The following IL19 variants were observed in gnomAD, a reference collection of about 807,000 sequenced individuals.
The protein encoded by IL19 is interleukin 19, also known as interleukin-19.
IL19 carries 15 observed loss-of-function variants against 19.5 expected under a neutral mutation model. That is an observed-to-expected ratio of 0.77 (90% CI 0.52 to 1.19). IL19 has a LOEUF of 1.19. IL19 is among the 50% of genes most tolerant of loss of function. The probability of loss-of-function intolerance (pLI) is 0.00; values close to 1 mark genes in which losing one functional copy is unlikely to be tolerated. For synonymous variants in IL19, 78 were observed against 78.3 expected (o/e 1.00, Z 0.02); for missense variants, 199 against 213.1 (o/e 0.93, Z 0.41).
chr1:206,793,372 A>G (rs1378003060), intron 1 of IL19, among the ~76,000 whole-genome samples: 1 of 152,246 alleles, frequency 6.6e-6, no homozygotes, highest in Non-Finnish European at 1.5e-5. Flanking sequence ...ATCAGGGGTC[A>G]TGTAGCAAGA....
At chr1:206,840,378 T>C in intron 5 of IL19, 1 of 360,784 alleles carries the variant, frequency 2.8e-6, no homozygotes, top group Non-Finnish European at 5.4e-6. Flanking sequence ...TGGTATGGCC[T>C]ATCCCTAAAG....
chr1:206,779,333 T>G (rs1675077360), intron 1 of IL19, among the ~76,000 whole-genome samples: 1 of 152,166 alleles, frequency 6.6e-6, no homozygotes, highest in Admixed American at 6.5e-5. Flanking sequence ...ACCACCTGCT[T>G]CTTTGTTTGA....
intron 2 of IL19, among the ~76,000 whole-genome samples, chr1:206,828,414 T>G (rs888938865): frequency 4.6e-5 from 7 of 152,204 alleles, no homozygotes; most frequent in African/African-American, 1.4e-4. Context: ...TCCTCCTGCT[T>G]TCTGGGCATG....
chr1:206,777,148 G>T (rs1223373527), intron 1 of IL19, among the ~76,000 whole-genome samples: 3 of 148,496 alleles, frequency 2.0e-5, no homozygotes, highest in African/African-American at 7.4e-5. Context: ...GGAGAATGGC[G>T]TGAACCTGGG....
At chr1:206,837,428 C>T (rs907333960) in intron 4 of IL19, among the ~76,000 whole-genome samples, 2 of 152,028 alleles carry the variant, frequency 1.3e-5, no homozygotes, top group African/African-American at 4.8e-5. Flanking sequence ...CAGTGAAGGT[C>T]GGACATAGAG....
At chr1:206,839,457 G>A (rs1272955321) in intron 4 of IL19, among the ~76,000 whole-genome samples, 1 of 152,204 alleles carries the variant, frequency 6.6e-6, no homozygotes, top group Non-Finnish European at 1.5e-5. Context: ...CCCCTGTAGT[G>A]TAGGGAAGTT....
Position 206,841,023 on chromosome 1 carries a change from A to T in IL19, c.383A>T (p.His128Leu). The change falls in exon 6 of 7, where the codon CAC becomes CTC. Residue 128 changes from histidine to leucine, a missense_variant. By Grantham distance (99) the His-to-Leu change is moderately conservative. Transcript: ENST00000659997. Reference protein sequence around the residue: ...LRQCQEQRQCHCRQEATNATR... With the variant: ...LRQCQEQRQCLCRQEATNATR... ...TCACAGCAGGAACAGAGGCAGTGTC[A>T]CTGCAGGCAGGAAGCCACCAATGCC... The T allele has an allele frequency of 6.2e-7, 1 of 1,614,020 alleles. No individual in the cohort carries two copies. Among genetic ancestry groups the T allele is most frequent in the Non-Finnish European group, 8.5e-7 (1 of 1,179,864 alleles).
chr1:206,775,348 G>T (rs537965833), intron 1 of IL19, among the ~76,000 whole-genome samples: 1 of 152,052 alleles, frequency 6.6e-6, no homozygotes, highest in Non-Finnish European at 1.5e-5. Flanking sequence ...CACTGTGCCC[G>T]GCCCGGATCT....
intron 1 of IL19, among the ~76,000 whole-genome samples, chr1:206,789,269 A>C (rs1289709862): frequency 6.6e-6 from 1 of 152,208 alleles, no homozygotes. Flanking sequence ...ACACTATGGA[A>C]CCTTCTCACT....
At chr1:206,772,232 C>T (rs772598790) in intron 1 of IL19, 1 of 1,588,964 alleles carries the variant, frequency 6.3e-7, no homozygotes, top group Non-Finnish European at 8.6e-7. Context: ...TTCAGGCAGT[C>T]CCAGGAAGAG....
rs150173066 is a variant in IL19 at position 206,831,608 on chromosome 1, C to T, written c.-2-5053C>T. 3.3e-4 allele frequency among the ~76,000 whole-genome samples: 51 copies of T among 152,270 alleles called. No individual in the cohort carries two copies. In the East Asian group the frequency reaches 9.4e-3, roughly 28 times the overall value. The stretch of plus-strand genomic sequence containing the variant: ...GATAATAAATGTCATTTTCAAGTTG[C>T]TTATTATGCGCCAGGTACTGTGCTG... On this transcript the variant is annotated intron_variant, in intron 2 of 6. Transcript: ENST00000659997.
At chr1:206,784,778 C>T (rs865782522) in intron 1 of IL19, among the ~76,000 whole-genome samples, 21 of 152,384 alleles carry the variant, frequency 1.4e-4, no homozygotes, top group Admixed American at 3.3e-4. Flanking sequence ...CGCTTCACAT[C>T]TCTTTCAGAA....
intron 2 of IL19, among the ~76,000 whole-genome samples, chr1:206,817,930 ATAG>A (rs917290741): frequency 6.6e-6 from 1 of 152,094 alleles, no homozygotes; most frequent in Non-Finnish European, 1.5e-5. Context: ...CTACCAGCTA[ATAG>A]TAGTATTTTT....
At chr1:206,813,213 C>T (rs1676063191) in intron 2 of IL19, among the ~76,000 whole-genome samples, 1 of 152,214 alleles carries the variant, frequency 6.6e-6, no homozygotes. Flanking sequence ...CACATTTCTG[C>T]ATTGCCAGTT....
At chr1:206,813,336 A>G (rs1174662774) in intron 2 of IL19, among the ~76,000 whole-genome samples, 1 of 152,144 alleles carries the variant, frequency 6.6e-6, no homozygotes, top group Non-Finnish European at 1.5e-5. Context: ...GGTTCCTGTG[A>G]GTGTTACCCC....
Position 206,814,950 on chromosome 1 carries a change from C to A in IL19, c.-3+15944C>A, listed in dbSNP as rs144443711. 1.6e-3 allele frequency among the ~76,000 whole-genome samples: 244 copies of A among 152,276 alleles called. 6 individuals carry two copies. The East Asian group carries it at 0.041, about 26-fold the overall frequency. ...CACTAATCATCTGAAACCTTAGAGA[C>A]CTAAAACAACAACAATCATTTATTT... On this transcript the variant is annotated intron_variant, in intron 2 of 6. Transcript: ENST00000659997.
chr1:206,778,821 C>T lies in IL19; in HGVS notation c.-149+7743C>T, dbSNP rs184821820. 3.0e-4 allele frequency among the ~76,000 whole-genome samples: 46 copies of T among 152,278 alleles called. No homozygotes were observed. In the East Asian group the frequency reaches 7.1e-3, roughly 24 times the overall value. On this transcript the variant is annotated intron_variant, in intron 1 of 6. Coordinates refer to ENST00000659997, the MANE Select transcript of IL19 (RefSeq NM_153758.5). Reference sequence around the variant, plus strand: ...ATGATTTGTTGGTCCCTCCCTCTTCCTTGCCAATCTATGTTCAATCTATCA... The same window carrying T: ...ATGATTTGTTGGTCCCTCCCTCTTCTTTGCCAATCTATGTTCAATCTATCA...
intron 5 of IL19, among the ~76,000 whole-genome samples, chr1:206,840,773 G>A (rs1285801474): frequency 6.6e-6 from 1 of 152,340 alleles, no homozygotes; most frequent in Admixed American, 6.5e-5. Context: ...TGCTTTCCTA[G>A]TGCTGACAGT....
intron 1 of IL19, among the ~76,000 whole-genome samples, chr1:206,781,130 C>A (rs559667429): frequency 1.3e-5 from 2 of 152,124 alleles, no homozygotes; most frequent in South Asian, 4.2e-4. Context: ...ACAGGAGCAA[C>A]ACCTTCCAGA....
Sources: gnomAD v4.1 joint callset for allele counts (sites outside exome capture counted in the v4.1 genomes callset) on GRCh38, gnomAD v4.1.1 for gene constraint, MANE v1.5 for transcripts, NCBI Gene and HGNC (gene_info 2026-07-23, HGNC 2026-07-21) for gene names.